Variants in PRKX observed in about 807,000 individuals in gnomAD.
PRKX encodes the protein cAMP-dependent protein kinase catalytic subunit PRKX.
Under a neutral mutation model 22.0 loss-of-function variants are expected in PRKX, and 12 were observed. That is an observed-to-expected ratio of 0.54 (90% CI 0.35 to 0.88). The LOEUF (loss-of-function observed/expected upper bound fraction) is 0.88, where lower values mean the gene tolerates loss of function less well. Ranked by LOEUF, PRKX falls within the 40% of genes least tolerant of loss-of-function variation. PRKX has a pLI of 0.01. For synonymous variants in PRKX, 134 were observed against 137.7 expected (o/e 0.97, Z 0.19); for missense variants, 217 against 308.0 (o/e 0.70, Z 2.21).
intron 3 of PRKX, among the ~76,000 whole-genome samples, chrX:3,651,289 G>C (rs773933282): frequency 8.9e-6 from 1 of 111,763 alleles, no homozygotes; most frequent in South Asian, 3.7e-4. Context: ...AACCATTTTC[G>C]TCCATTTAAA....
intron 1 of PRKX, among the ~76,000 whole-genome samples, chrX:3,684,238 C>A: frequency 8.9e-6 from 1 of 111,865 alleles, no homozygotes; most frequent in Non-Finnish European, 1.9e-5. Flanking sequence ...GGCAACAGAG[C>A]GAGACTCCGT....
At chrX:3,705,900 C>T (rs1165207353) in intron 1 of PRKX, among the ~76,000 whole-genome samples, 1 of 106,732 alleles carries the variant, frequency 9.4e-6, no homozygotes, top group Non-Finnish European at 1.9e-5. Flanking sequence ...CCGTGTTAGC[C>T]AGGATGGTCT....
intron 3 of PRKX, among the ~76,000 whole-genome samples, chrX:3,650,481 A>G (rs1210997632): frequency 1.2e-5 from 1 of 85,448 alleles, no homozygotes; most frequent in African/African-American, 4.7e-5. Context: ...AGATCGCACC[A>G]CTGCACTCCA....
intron 4 of PRKX, among the ~76,000 whole-genome samples, chrX:3,635,474 T>C (rs1431171794): frequency 8.9e-6 from 1 of 112,293 alleles, no homozygotes; most frequent in African/African-American, 3.2e-5. Flanking sequence ...GATGCCACTT[T>C]GAGAATCACT....
At chrX:3,665,093 C>CGT (rs748790895) in intron 2 of PRKX, among the ~76,000 whole-genome samples, 6 of 111,242 alleles carry the variant, frequency 5.4e-5, no homozygotes, top group African/African-American at 1.6e-4. Flanking sequence ...GGGGCGCGCG[C>CGT]GTGTGTGTGT....
chrX:3,638,467 C>T (rs781362688), intron 4 of PRKX, among the ~76,000 whole-genome samples: 2 of 111,773 alleles, frequency 1.8e-5, no homozygotes, highest in Non-Finnish European at 3.8e-5. Context: ...ATGCTGCCCT[C>T]GTGTGGTCAG....
intron 6 of PRKX, among the ~76,000 whole-genome samples, chrX:3,617,526 G>C (rs1443689281): frequency 9.0e-6 from 1 of 110,515 alleles, no homozygotes; most frequent in Non-Finnish European, 1.9e-5. Context: ...CATGCACTGA[G>C]TCCCAGCTAC....
Position 3,612,316 on chromosome X carries a change from C to T in PRKX, c.961G>A (p.Val321Met), listed in dbSNP as rs139150166. Residue 321 changes from valine (V) to methionine (M), a missense_variant, in exon 8 of 9, where the codon GTG becomes ATG. Val to Met is a conservative substitution (Grantham distance 21, BLOSUM62 1). Transcript: ENST00000262848. ...TCGCCGTCACCAGCTATCTTGGGCA[C>T]GATGGGAGGCTGTGAGACATGGCCG... ...VPQRKLKPPI[V>M]PKIAGDGDTS... The T allele has an allele frequency of 7.7e-5, 93 of 1,206,412 alleles. No homozygotes were observed. The African/African-American group carries it at 1.2e-3, about 16-fold the overall frequency.
At chrX:3,638,787 A>G (rs1163579108) in intron 4 of PRKX, among the ~76,000 whole-genome samples, 1 of 109,632 alleles carries the variant, frequency 9.1e-6, no homozygotes, top group African/African-American at 3.3e-5. Context: ...ATGAATAGGT[A>G]GATAGATGAT....
chrX:3,701,716 C>T (rs1287765375), intron 1 of PRKX, among the ~76,000 whole-genome samples: 3 of 111,188 alleles, frequency 2.7e-5, no homozygotes, highest in Admixed American at 9.6e-5. Flanking sequence ...CACAAGATGC[C>T]GGTCATAAGG....
intron 2 of PRKX, 29 bp downstream of exon 2, chrX:3,674,569 G>A (rs368519843): frequency 2.3e-4 from 281 of 1,204,018 alleles, no homozygotes; most frequent in Non-Finnish European, 3.0e-4. Context: ...GGGAGAGTGC[G>A]TGGGGAGAGG....
intron 2 of PRKX, among the ~76,000 whole-genome samples, chrX:3,665,044 A>C (rs1448471397): frequency 8.9e-6 from 1 of 112,349 alleles, no homozygotes; most frequent in African/African-American, 3.2e-5. Context: ...AAGAGACAAA[A>C]ATGATGCATA....
At chrX:3,704,770 T>C in intron 1 of PRKX, among the ~76,000 whole-genome samples, 1 of 112,089 alleles carries the variant, frequency 8.9e-6, no homozygotes. Context: ...GACAGGACTT[T>C]ATTCTTTTTA....
At chrX:3,615,695 G>A (rs1263954731) in intron 7 of PRKX, 120 bp downstream of exon 7, 2 of 607,838 alleles carry the variant, frequency 3.3e-6, no homozygotes, top group Admixed American at 6.4e-5. Flanking sequence ...TAGACAAATA[G>A]TTGTATTATA....
At chrX:3,640,426 C>T (rs750127432) in intron 4 of PRKX, among the ~76,000 whole-genome samples, 43 of 112,267 alleles carry the variant, frequency 3.8e-4, no homozygotes, top group African/African-American at 1.3e-3. Context: ...TTAGCACTAA[C>T]AACGGAACGA....
At chrX:3,646,657 G>A (rs1044531467) in intron 3 of PRKX, among the ~76,000 whole-genome samples, 1 of 111,436 alleles carries the variant, frequency 9.0e-6, no homozygotes, top group South Asian at 3.8e-4. Context: ...CAATAAAGCA[G>A]CAGGGTGTGG....
intron 2 of PRKX, among the ~76,000 whole-genome samples, chrX:3,667,038 C>T (rs1305173213): frequency 4.6e-5 from 5 of 108,392 alleles, no homozygotes; most frequent in Middle Eastern, 4.5e-3. Context: ...AATCTATGAA[C>T]GGGGGGAAAG....
rs1555968387 is a variant in PRKX at position 3,608,619 on chromosome X, A to ACACG, written c.*349_*350insCGTG. The stretch of plus-strand genomic sequence containing the variant: ...CACACACACACACACACACACACAC[A>ACACG]CACAATTTGTGGTTATAATCGAACA... On this transcript the variant is annotated 3_prime_UTR_variant, in exon 9 of 9. Transcript: ENST00000262848. 1 of 82,473 alleles carries ACACG rather than the reference A, an allele frequency of 1.2e-5. No homozygotes were observed. Among genetic ancestry groups the ACACG allele is most frequent in the Non-Finnish European group, 2.4e-5 (1 of 42,242 alleles). The allele number at this position is 82,473 out of a possible 1,213,427, so 6.8% of individuals were successfully genotyped here.
At chrX:3,643,130 C>T (rs1299375787) in intron 3 of PRKX, among the ~76,000 whole-genome samples, 1 of 48,281 alleles carries the variant, frequency 2.1e-5, no homozygotes, top group African/African-American at 1.0e-4. Context: ...CCCAAAAAAA[C>T]ATTTCTTGCC....
Sources: gnomAD v4.1 joint callset for allele counts (sites outside exome capture counted in the v4.1 genomes callset) on GRCh38, gnomAD v4.1.1 for gene constraint, MANE v1.5 for transcripts, NCBI Gene and HGNC (gene_info 2026-07-23, HGNC 2026-07-21) for gene names.